DAPK1: variants seen among roughly 807,000 people sequenced by gnomAD.
DAPK1 encodes death-associated protein kinase 1.
DAPK1 carries 56 observed loss-of-function variants against 144.9 expected under a neutral mutation model. That is an observed-to-expected ratio of 0.39 (90% CI 0.31 to 0.48). DAPK1 has a LOEUF of 0.48. Ranked by LOEUF, DAPK1 falls within the 20% of genes least tolerant of loss-of-function variation. DAPK1 has a pLI of 0.95. For missense variants in DAPK1, 1,454 were observed against 1,875.4 expected (o/e 0.78, Z 4.15); for synonymous variants, 690 against 749.0 (o/e 0.92, Z 1.29).
intron 2 of DAPK1, among the ~76,000 whole-genome samples, chr9:87,563,269 G>A (rs1204625394): frequency 1.3e-5 from 2 of 152,228 alleles, no homozygotes; most frequent in African/African-American, 4.8e-5. Flanking sequence ...AACACATACT[G>A]TATGAGGAAG....
intron 2 of DAPK1, among the ~76,000 whole-genome samples, chr9:87,522,139 A>G (rs1433061243): frequency 1.3e-5 from 2 of 152,240 alleles, no homozygotes; most frequent in Non-Finnish European, 2.9e-5. Flanking sequence ...CCATTCTGCA[A>G]CAGAAAATGG....
intron 24 of DAPK1, 114 bp from the exon 25 acceptor site, chr9:87,702,915 G>A (rs920023127): frequency 1.7e-5 from 11 of 637,618 alleles, no homozygotes; most frequent in East Asian, 2.6e-5. Flanking sequence ...AAACCCACTC[G>A]TTCATCAAAT....
chr9:87,508,662 G>T (rs774199363), intron 2 of DAPK1, among the ~76,000 whole-genome samples: 1 of 152,142 alleles, frequency 6.6e-6, no homozygotes, highest in East Asian at 1.9e-4. Flanking sequence ...GGATTTTTGA[G>T]ACCTTACTAC....
At chr9:87,557,947 A>G (rs935399297) in intron 2 of DAPK1, among the ~76,000 whole-genome samples, 2 of 142,790 alleles carry the variant, frequency 1.4e-5, no homozygotes, top group East Asian at 1.9e-4. Context: ...TCTGAAGACA[A>G]ACAAACAAAA....
intron 2 of DAPK1, among the ~76,000 whole-genome samples, chr9:87,542,743 A>G (rs1161618754): frequency 2.6e-5 from 4 of 152,132 alleles, no homozygotes; most frequent in African/African-American, 9.7e-5. Flanking sequence ...GGGGAAACTC[A>G]AGTCTGTCTG....
chr9:87,587,273 C>G (rs1827970130), intron 2 of DAPK1, among the ~76,000 whole-genome samples: 1 of 152,218 alleles, frequency 6.6e-6, no homozygotes, highest in Non-Finnish European at 1.5e-5. Flanking sequence ...AAAAATAGAT[C>G]ATTCTCTGTT....
chr9:87,609,807 A>G (rs777675901), intron 3 of DAPK1, among the ~76,000 whole-genome samples: 38 of 152,168 alleles, frequency 2.5e-4, no homozygotes, highest in Non-Finnish European at 4.3e-4. Context: ...GTGTGGATAT[A>G]GTTTTTGGAT....
In DAPK1 at chr9:87,650,061, C is replaced by T; in HGVS notation, c.1569C>T (p.Tyr523=). The change falls in exon 16 of 26, where the codon TAC becomes TAT. Residue 523 remains tyrosine, a synonymous_variant. Coordinates refer to ENST00000408954, the MANE Select transcript of DAPK1 (RefSeq NM_004938.4). ...TPLLTASARG[Y]HDIVECLAEH... is the part of the protein sequence containing the mutation. ...TCCTGACAGCCTCTGCCAGGGGCTA[C>T]CACGACATCGTGGAGTGTCTGGCCG... is the stretch of plus-strand genomic sequence containing the variant. 6.2e-7 allele frequency: 1 copy of T among 1,614,082 alleles called. No individual in the cohort carries two copies. The highest frequency in any genetic ancestry group is 8.5e-7 in the Non-Finnish European group (1 of 1,180,028).
At chr9:87,649,897 C>G (rs1346480895) in intron 15 of DAPK1, 24 bp from the exon 16 acceptor site, 3 of 1,612,194 alleles carry the variant, frequency 1.9e-6, no homozygotes, top group Non-Finnish European at 2.5e-6. Context: ...TTCTCCTCCT[C>G]TCTGTACTCG....
chr9:87,679,679 GT>G, intron 19 of DAPK1, among the ~76,000 whole-genome samples: 1 of 152,338 alleles, frequency 6.6e-6, no homozygotes, highest in African/African-American at 2.4e-5. Context: ...TTAGCATGGG[GT>G]TGGAGGGCCT....
chr9:87,540,942 T>C (rs1826029289), intron 2 of DAPK1, among the ~76,000 whole-genome samples: 1 of 152,234 alleles, frequency 6.6e-6, no homozygotes, highest in Non-Finnish European at 1.5e-5. Context: ...AAATGTGTTC[T>C]GAGTTTTTCT....
chr9:87,646,411 C>A lies in DAPK1; in HGVS notation c.1132-50C>A, dbSNP rs36213054. The A allele has an allele frequency of 3.4e-3, 4,680 of 1,385,612 alleles. 115 individuals are homozygous for A. In the African/African-American group the frequency reaches 0.055, roughly 16 times the overall value. The allele number at this position is 1,385,612 out of a possible 1,614,324, so 85.8% of individuals were successfully genotyped here. A position where few individuals can be genotyped will look rare whatever the true frequency, so the allele number is the denominator to read the frequency against. On this transcript the variant is annotated intron_variant, in intron 12 of 25. Coordinates refer to ENST00000408954, the MANE Select transcript of DAPK1 (RefSeq NM_004938.4). ...AACAGCAATCATCGTTTGGGCTTTT[C>A]CTTTCCTACCAAACCTGAAAATTAG...
intron 19 of DAPK1, among the ~76,000 whole-genome samples, chr9:87,674,537 A>G (rs76763280): frequency 3.1e-4 from 47 of 150,152 alleles, no homozygotes; most frequent in African/African-American, 1.1e-3. Context: ...AAAAAAAAAA[A>G]AAGTAGTTTG....
intron 2 of DAPK1, among the ~76,000 whole-genome samples, chr9:87,577,286 G>T (rs1319975848): frequency 6.6e-6 from 1 of 152,160 alleles, no homozygotes; most frequent in Non-Finnish European, 1.5e-5. Flanking sequence ...TGGAAACTCG[G>T]GGTGGGGCCC....
chr9:87,520,640 G>A (rs1488230253), intron 2 of DAPK1, among the ~76,000 whole-genome samples: 6 of 152,160 alleles, frequency 3.9e-5, no homozygotes, highest in Admixed American at 3.3e-4. Context: ...TTTGACCCTC[G>A]AAGATAGGTG....
intron 20 of DAPK1, among the ~76,000 whole-genome samples, chr9:87,683,270 A>T (rs1824710189): frequency 6.6e-6 from 1 of 151,888 alleles, no homozygotes; most frequent in African/African-American, 2.4e-5. Context: ...TTTAGTAGAG[A>T]CGAGGTTTCA....
intron 20 of DAPK1, 144 bp downstream of exon 20, chr9:87,681,770 G>T: frequency 9.0e-6 from 6 of 667,182 alleles, no homozygotes; most frequent in Non-Finnish European, 1.6e-5. Context: ...TTCAGGTCCA[G>T]GTTGGCTGGT....
At chr9:87,593,741 CTTCT>C (rs1448741293) in intron 2 of DAPK1, among the ~76,000 whole-genome samples, 1 of 152,148 alleles carries the variant, frequency 6.6e-6, no homozygotes, top group African/African-American at 2.4e-5. Flanking sequence ...AACCTCCTGC[CTTCT>C]TTGTCAATTT....
intron 2 of DAPK1, among the ~76,000 whole-genome samples, chr9:87,551,855 T>C (rs1826497447): frequency 6.6e-6 from 1 of 152,134 alleles, no homozygotes; most frequent in Non-Finnish European, 1.5e-5. Flanking sequence ...TGCTGTCATC[T>C]CTGAGGGGCG....
Sources: allele counts gnomAD v4.1 joint callset (sites outside exome capture counted in the v4.1 genomes callset), GRCh38; gene constraint gnomAD v4.1.1; transcripts MANE v1.5; gene names NCBI Gene and HGNC (gene_info 2026-07-23, HGNC 2026-07-21).